Variants in LMAN2 observed in about 807,000 individuals in gnomAD.
LMAN2 encodes the protein lectin, mannose binding 2, also known as vesicular integral-membrane protein VIP36.
LMAN2 carries 22 observed loss-of-function variants against 39.3 expected under a neutral mutation model. The ratio of observed to expected loss-of-function variants is 0.56; its 90% CI spans 0.40 to 0.80. LMAN2 has a LOEUF of 0.80. Ranked by LOEUF, LMAN2 falls within the 30% of genes least tolerant of loss-of-function variation. The pLI is 0.00. For missense variants in LMAN2, 494 were observed against 505.4 expected (o/e 0.98, Z 0.22); for synonymous variants, 207 against 207.8 (o/e 1.00, Z 0.03).
intron 2 of LMAN2, among the ~76,000 whole-genome samples, chr5:177,347,327 A>G (rs1410628225): frequency 1.3e-5 from 2 of 152,142 alleles, no homozygotes; most frequent in Non-Finnish European, 2.9e-5. Context: ...GTTCACGGGG[A>G]GGCTGGTTTC....
chr5:177,337,807 C>G lies in LMAN2; in HGVS notation c.434-22G>C, dbSNP rs1408692525. On this transcript the variant is annotated intron_variant, in intron 3 of 7. Coordinates refer to ENST00000303127, the MANE Select transcript of LMAN2 (RefSeq NM_006816.3). The surrounding 1 kb of genome is among the most constrained non-coding windows in gnomAD (Gnocchi z 8.2). Reference sequence around the variant, plus strand: ...GGCCCTAGAATTATAAGCAGATGCTCTCAGAATGGGAGAAACAGGAGCCGT... The same window carrying G: ...GGCCCTAGAATTATAAGCAGATGCTGTCAGAATGGGAGAAACAGGAGCCGT... 6.2e-7 allele frequency: 1 copy of G among 1,610,252 alleles called. No homozygotes were observed. Among genetic ancestry groups the G allele is most frequent in the East Asian group, 2.2e-5 (1 of 44,840 alleles).
rs1292365202 is a variant in LMAN2, at chr5:177,332,714, G to GTCCCACAC, written c.911-476_911-469dup. On this transcript the variant is annotated intron_variant, in intron 7 of 7. Transcript: ENST00000303127. The surrounding 1 kb of genome is among the most constrained non-coding windows in gnomAD (Gnocchi z 6.3). ...CCCAGGAGGGTCTCCCAGGACCTGA[G>GTCCCACAC]TCCCACACTCCACCCCAGCCCACAG... Among the ~76,000 whole-genome samples, 1 of 152,096 alleles carries GTCCCACAC rather than the reference G, an allele frequency of 6.6e-6. No individual in the cohort carries two copies. The highest frequency in any genetic ancestry group is 2.4e-5 in the African/African-American group (1 of 41,420).
intron 2 of LMAN2, among the ~76,000 whole-genome samples, chr5:177,339,874 T>G (rs973489518): frequency 6.6e-6 from 1 of 152,170 alleles, no homozygotes. Flanking sequence ...ATATGCTTCA[T>G]GCATTCATTG....
Position 177,334,423 on chromosome 5 carries a change from C to A in LMAN2, c.791-20G>T. On this transcript the variant is annotated intron_variant, in intron 6 of 7. Transcript: ENST00000303127. ...GATTGTCTGCAGGACCAAGAATAAA[C>A]CTGTGACAGCCTACAGGCCAGCCGC... 1 of 1,607,050 alleles carries A rather than the reference C, an allele frequency of 6.2e-7. No individual in the cohort carries two copies. Among genetic ancestry groups the A allele is most frequent in the Non-Finnish European group, 8.5e-7 (1 of 1,177,628 alleles).
At chr5:177,343,395 C>G (rs903543095) in intron 2 of LMAN2, among the ~76,000 whole-genome samples, 3 of 152,074 alleles carry the variant, frequency 2.0e-5, no homozygotes, top group Non-Finnish European at 2.9e-5. Context: ...ATAGAATGAC[C>G]GTATGATCCA....
chr5:177,345,771 T>TTATA (rs1305396664), intron 2 of LMAN2, among the ~76,000 whole-genome samples: 1 of 150,980 alleles, frequency 6.6e-6, no homozygotes, highest in African/African-American at 2.4e-5. Flanking sequence ...ATTTATTTAT[T>TTATA]TATTTATTTA....
intron 6 of LMAN2, chr5:177,336,905 G>A (rs539776245): frequency 1.2e-4 from 70 of 581,344 alleles, no homozygotes; most frequent in Admixed American, 3.0e-4. Flanking sequence ...CAGGAACTGA[G>A]GCCCGGACAG....
chr5:177,342,999 G>A lies in LMAN2; in HGVS notation c.316-4394C>T, dbSNP rs111236950. 3.9e-3 allele frequency among the ~76,000 whole-genome samples: 599 copies of A among 152,132 alleles called. 11 individuals are homozygous for A. Among genetic ancestry groups the A allele is most frequent in the Admixed American group, 0.024 (361 of 15,292 alleles). ...CCGGGCGCGGTGGCTCATGCCTGTA[G>A]TCCCAGCACTTTGGGAGGCCAAGGC... On this transcript the variant is annotated intron_variant, in intron 2 of 7. Transcript: ENST00000303127.
In LMAN2 at chr5:177,351,244, T is replaced by A. The variant is rs759841396; in HGVS notation, c.244A>T (p.Met82Leu). 6.2e-7 allele frequency: 1 copy of A among 1,614,156 alleles called. No individual in the cohort carries two copies. The highest frequency in any genetic ancestry group is 1.3e-5 in the African/African-American group (1 of 75,050). ...MPLWDFQGSTMLTSQYVRLTP... is the reference protein window; with the variant it reads ...MPLWDFQGSTLLTSQYVRLTP... ...AGACGTACGTACTGGCTCGTGAGCA[T>A]AGTGCTGCCCTGGAAGTCCCAGAGG... The change falls in exon 2 of 8, where the codon ATG (methionine) becomes TTG (leucine). Residue 82 changes from methionine to leucine, a missense_variant. Met to Leu is a conservative substitution (Grantham distance 15, BLOSUM62 2). Coordinates refer to ENST00000303127, the MANE Select transcript of LMAN2 (RefSeq NM_006816.3).
rs10639580 is a variant in LMAN2 at position 177,345,339 on chromosome 5, T to TAAAAAA, written c.315+5828_315+5833dup. On this transcript the variant is annotated intron_variant, in intron 2 of 7. Transcript: ENST00000303127. ...CTAGGTGACAGATTAAGACCCTGTC[T>TAAAAAA]AAAAAAAAAAAAAAAAAAAAAAAGC... is the stretch of plus-strand genomic sequence containing the variant. Among the ~76,000 whole-genome samples the TAAAAAA allele has an allele frequency of 8.0e-3, 420 of 52,400 alleles. 15 individuals are homozygous for TAAAAAA. The highest frequency in any genetic ancestry group is 0.013 in the Non-Finnish European group (363 of 27,428). The allele number at this position is 52,400 out of a possible 152,430, so 34.4% of individuals were successfully genotyped here. A position where few individuals can be genotyped will look rare whatever the true frequency, so the allele number is the denominator to read the frequency against.
chr5:177,338,721 G>C, intron 2 of LMAN2, 116 bp from the exon 3 acceptor site: 1 of 826,456 alleles, frequency 1.2e-6, no homozygotes, highest in South Asian at 1.4e-5. Context: ...AGCTAAGACT[G>C]GGCACTCCTT....
chr5:177,339,679 C>T (rs1380707664), intron 2 of LMAN2, among the ~76,000 whole-genome samples: 4 of 152,172 alleles, frequency 2.6e-5, no homozygotes, highest in Non-Finnish European at 4.4e-5. Context: ...AGACCATTAA[C>T]GTCCAATGCA....
In LMAN2 at chr5:177,345,290, G is replaced by A. The variant is rs142823730; in HGVS notation, c.315+5883C>T. ...CAGGAGACCGAGGCTGCAGTGAGCCGTGATTACACCATTGCATTCCAGCCT... is the reference window on the plus strand; with the variant it reads ...CAGGAGACCGAGGCTGCAGTGAGCCATGATTACACCATTGCATTCCAGCCT... On this transcript the variant is annotated intron_variant, in intron 2 of 7. Transcript: ENST00000303127. Among the ~76,000 whole-genome samples, 753 of 136,180 alleles carry A rather than the reference G, an allele frequency of 5.5e-3. 8 individuals are homozygous for A. Among genetic ancestry groups the A allele is most frequent in the African/African-American group, 0.02 (716 of 36,410 alleles). The allele number at this position is 136,180 out of a possible 152,430, so 89.3% of individuals were successfully genotyped here.
chr5:177,332,028 A>G lies in LMAN2; in HGVS notation c.*58T>C. On this transcript the variant is annotated 3_prime_UTR_variant, in exon 8 of 8. Coordinates refer to ENST00000303127, the MANE Select transcript of LMAN2 (RefSeq NM_006816.3). This position sits in a 1 kb window ranked among gnomAD's most constrained non-coding sequence, Gnocchi z 6.3. ...TTGTTGTTCTTTTATAATCCCGGTAAAAAAAAAAGTTCACATTGGCTCCTG... is the reference window on the plus strand; with the variant it reads ...TTGTTGTTCTTTTATAATCCCGGTAGAAAAAAAAGTTCACATTGGCTCCTG... The G allele has an allele frequency of 6.7e-7, 1 of 1,484,992 alleles. No individual in the cohort carries two copies. The highest frequency in any genetic ancestry group is 9.1e-7 in the Non-Finnish European group (1 of 1,099,558). The allele number at this position is 1,484,992 out of a possible 1,614,324, so 92.0% of individuals were successfully genotyped here. A position where few individuals can be genotyped will look rare whatever the true frequency, so the allele number is the denominator to read the frequency against.
Position 177,332,921 on chromosome 5 carries a change from G to A in LMAN2, c.911-675C>T, listed in dbSNP as rs934961568. ...CCACTCTGCCTCCCTCCCTGACTGC[G>A]GCCCCCCCGACTCCACACTGTACAG... On this transcript the variant is annotated intron_variant, in intron 7 of 7. Transcript: ENST00000303127. This position sits in a 1 kb window ranked among gnomAD's most constrained non-coding sequence, Gnocchi z 6.3. Among the ~76,000 whole-genome samples the A allele has an allele frequency of 1.1e-4, 17 of 151,754 alleles. No homozygotes were observed. The highest frequency in any genetic ancestry group is 2.9e-4 in the African/African-American group (12 of 41,310).
chr5:177,345,033 A>T (rs1422020157), intron 2 of LMAN2, among the ~76,000 whole-genome samples: 2 of 151,920 alleles, frequency 1.3e-5, no homozygotes, highest in Non-Finnish European at 2.9e-5. Context: ...TTACATAGCC[A>T]TGACATCTTT....
chr5:177,345,778 TTTA>T (rs1561606978), intron 2 of LMAN2, among the ~76,000 whole-genome samples: 6 of 151,568 alleles, frequency 4.0e-5, no homozygotes, highest in African/African-American at 1.5e-4. Flanking sequence ...TATTTATTTA[TTTA>T]TTTTTTGAGA....
rs1044919792 is a variant in LMAN2 at position 177,332,747 on chromosome 5, C to T, written c.911-501G>A. Among the ~76,000 whole-genome samples the T allele has an allele frequency of 6.6e-6, 1 of 152,174 alleles. No homozygotes were observed. The highest frequency in any genetic ancestry group is 2.1e-4 in the South Asian group (1 of 4,828). ...CTCCACCCCAGCCCACAGCCTCTCT[C>T]CTCCACACAAGGTTCCCACAGGTCC... On this transcript the variant is annotated intron_variant, in intron 7 of 7. Transcript: ENST00000303127. The surrounding 1 kb of genome is among the most constrained non-coding windows in gnomAD (Gnocchi z 6.3).
chr5:177,337,535 G>A lies in LMAN2; in HGVS notation c.514-11C>T, dbSNP rs370655312. 2.4e-5 allele frequency: 39 copies of A among 1,613,138 alleles called. No individual in the cohort carries two copies. The highest frequency in any genetic ancestry group is 3.3e-5 in the Non-Finnish European group (39 of 1,179,352). On this transcript the variant is annotated splice_polypyrimidine_tract_variant and intron_variant, in intron 4 of 7. Coordinates refer to ENST00000303127, the MANE Select transcript of LMAN2 (RefSeq NM_006816.3). This position sits in a 1 kb window ranked among gnomAD's most constrained non-coding sequence, Gnocchi z 8.2. ...GTACGGGAACACGCGCTGGGACCAA[G>A]ACATCGGTTACTCCACAAGCAGCCC...
Sources: allele counts gnomAD v4.1 joint callset (sites outside exome capture counted in the v4.1 genomes callset), GRCh38; gene constraint gnomAD v4.1.1; non-coding constraint Gnocchi (gnomAD v3.1); transcripts MANE v1.5; gene names NCBI Gene and HGNC (gene_info 2026-07-23, HGNC 2026-07-21).